Variants in PACRG observed in about 807,000 individuals in gnomAD.
The protein encoded by PACRG is parkin coregulated gene protein.
Under a neutral mutation model 29.7 loss-of-function variants are expected in PACRG, and 29 were observed. That is an observed-to-expected ratio of 0.98 (90% CI 0.73 to 1.33). The LOEUF (loss-of-function observed/expected upper bound fraction) is 1.33, where lower values mean the gene tolerates loss of function less well. Among genes scored for constraint, PACRG ranks in the 40% most tolerant of loss-of-function variants. PACRG has a pLI of 0.00. For synonymous variants in PACRG, 116 were observed against 118.7 expected (o/e 0.98, Z 0.15); for missense variants, 279 against 316.2 (o/e 0.88, Z 0.89).
At chr6:162,868,177 G>A (rs1366237928) in intron 2 of PACRG, among the ~76,000 whole-genome samples, 7 of 152,160 alleles carry the variant, frequency 4.6e-5, no homozygotes, top group Admixed American at 3.9e-4. Flanking sequence ...TGGTGACTAG[G>A]ATAGGATACA....
chr6:163,050,940 T>C (rs1330347152), intron 2 of PACRG, among the ~76,000 whole-genome samples: 1 of 152,172 alleles, frequency 6.6e-6, no homozygotes, highest in Non-Finnish European at 1.5e-5. Flanking sequence ...AATATTGCCT[T>C]TCCCCATGAT....
chr6:163,178,350 G>A (rs1779487655), intron 4 of PACRG, among the ~76,000 whole-genome samples: 1 of 152,180 alleles, frequency 6.6e-6, no homozygotes, highest in African/African-American at 2.4e-5. Context: ...AGGGACAAGG[G>A]GAAGTGCTGC....
At chr6:163,104,078 A>G (rs1424248062) in intron 4 of PACRG, among the ~76,000 whole-genome samples, 1 of 152,248 alleles carries the variant, frequency 6.6e-6, no homozygotes, top group African/African-American at 2.4e-5. Context: ...CCGATTTAAC[A>G]ACTATTATAT....
intron 1 of PACRG, among the ~76,000 whole-genome samples, chr6:162,805,724 T>G (rs1786264235): frequency 6.6e-6 from 1 of 152,226 alleles, no homozygotes; most frequent in Admixed American, 6.5e-5. Flanking sequence ...ATGTTCAAAG[T>G]ATCTTCACCA....
chr6:162,874,878 C>T (rs1480776687), intron 2 of PACRG, among the ~76,000 whole-genome samples: 1 of 151,910 alleles, frequency 6.6e-6, no homozygotes, highest in South Asian at 2.1e-4. Flanking sequence ...CACTCACACA[C>T]CCATTAACAC....
intron 4 of PACRG, among the ~76,000 whole-genome samples, chr6:163,265,871 T>A (rs1783514031): frequency 6.6e-6 from 1 of 151,974 alleles, no homozygotes. Context: ...TAATTCCGAG[T>A]CAAAAATTAA....
At chr6:163,212,783 CTTT>C (rs34101369) in intron 4 of PACRG, among the ~76,000 whole-genome samples, 1 of 144,136 alleles carries the variant, frequency 6.9e-6, no homozygotes. Flanking sequence ...AACTGATAAT[CTTT>C]TTTTTTTTTT....
At chr6:162,943,175 A>G (rs978303648) in intron 2 of PACRG, among the ~76,000 whole-genome samples, 4 of 152,162 alleles carry the variant, frequency 2.6e-5, no homozygotes, top group African/African-American at 9.7e-5. Flanking sequence ...GCTCCCACAC[A>G]CACCCTTATG....
intron 2 of PACRG, among the ~76,000 whole-genome samples, chr6:162,815,642 T>C (rs1033615328): frequency 1.3e-5 from 2 of 151,918 alleles, no homozygotes; most frequent in Non-Finnish European, 2.9e-5. Flanking sequence ...TATGTGAAAA[T>C]GTACGTATGA....
chr6:163,216,752 T>C (rs76717928), intron 4 of PACRG, among the ~76,000 whole-genome samples: 5,354 of 152,272 alleles, frequency 0.035, 134 homozygotes, highest in Non-Finnish European at 0.052. Context: ...TTTGGCAACA[T>C]TGCTATATTT....
chr6:163,047,747 C>T lies in PACRG; in HGVS notation c.292-14403C>T, dbSNP rs78258726. Among the ~76,000 whole-genome samples, 85 of 152,280 alleles carry T rather than the reference C, an allele frequency of 5.6e-4. No homozygotes were observed. In the East Asian group the frequency reaches 0.011, roughly 19 times the overall value. On this transcript the variant is annotated intron_variant, in intron 2 of 4. Transcript: ENST00000366888. ...CAGCATTTGTAGTAAAACAGCCAGCCATAGACATGATGATTAATTTGGGCA... is the reference window on the plus strand; with the variant it reads ...CAGCATTTGTAGTAAAACAGCCAGCTATAGACATGATGATTAATTTGGGCA...
At chr6:163,070,566 C>A (rs971565099) in intron 3 of PACRG, among the ~76,000 whole-genome samples, 1 of 151,520 alleles carries the variant, frequency 6.6e-6, no homozygotes, top group African/African-American at 2.4e-5. Context: ...AAATAAAAAG[C>A]AAGAAATCAA....
Position 162,814,140 on chromosome 6 carries a change from A to C in PACRG, c.157-7A>C. ...ACCTGATCCCTATTTTTTTTTTTCC[A>C]ATTAAGGTGAGAGGCCCTCCAGCTG... On this transcript the variant is annotated splice_region_variant and splice_polypyrimidine_tract_variant and intron_variant, in intron 1 of 4. Transcript: ENST00000366888. 2.5e-6 allele frequency: 4 copies of C among 1,582,732 alleles called. No homozygotes were observed. The highest frequency in any genetic ancestry group is 2.2e-5 in the East Asian group (1 of 44,472).
At chr6:163,126,014 T>A (rs1171535875) in intron 4 of PACRG, among the ~76,000 whole-genome samples, 1 of 152,234 alleles carries the variant, frequency 6.6e-6, no homozygotes, top group Non-Finnish European at 1.5e-5. Flanking sequence ...CAAAATGAGC[T>A]GTCTACATTT....
chr6:162,928,094 CTG>C (rs760340359), intron 2 of PACRG, among the ~76,000 whole-genome samples: 1 of 151,922 alleles, frequency 6.6e-6, no homozygotes, highest in African/African-American at 2.4e-5. Flanking sequence ...TGAGAAAAAT[CTG>C]TGTTTGGTCT....
chr6:162,911,472 C>G, intron 2 of PACRG, among the ~76,000 whole-genome samples: 1 of 152,174 alleles, frequency 6.6e-6, no homozygotes, highest in East Asian at 1.9e-4. Flanking sequence ...TTGGTAGTAT[C>G]TTTTCCAATG....
At chr6:162,804,830 TAC>T (rs1484998138) in intron 1 of PACRG, among the ~76,000 whole-genome samples, 5 of 152,206 alleles carry the variant, frequency 3.3e-5, no homozygotes, top group Non-Finnish European at 5.9e-5. Context: ...TTTATTGAAA[TAC>T]AGTCATGTAT....
At chr6:163,202,414 T>C (rs1029376683) in intron 4 of PACRG, among the ~76,000 whole-genome samples, 1 of 152,112 alleles carries the variant, frequency 6.6e-6, no homozygotes, top group Non-Finnish European at 1.5e-5. Flanking sequence ...GGGGTGCATA[T>C]ATGTGTATAT....
intron 2 of PACRG, among the ~76,000 whole-genome samples, chr6:162,844,300 G>T (rs1206285504): frequency 6.6e-6 from 1 of 152,232 alleles, no homozygotes; most frequent in African/African-American, 2.4e-5. Context: ...TAATCTCATG[G>T]TGCGCCGTTT....
Sources: allele counts gnomAD v4.1 joint callset (sites outside exome capture counted in the v4.1 genomes callset), GRCh38; gene constraint gnomAD v4.1.1; transcripts MANE v1.5; gene names NCBI Gene and HGNC (gene_info 2026-07-23, HGNC 2026-07-21).